WWOX: variants seen among roughly 807,000 people sequenced by gnomAD.
WWOX encodes the protein WW domain-containing oxidoreductase.
A neutral mutation model predicts 46.2 loss-of-function variants in WWOX; 69 were observed. The ratio of observed to expected loss-of-function variants is 1.49; its 90% CI spans 1.23 to 1.82. WWOX has a LOEUF of 1.82. Among genes scored for constraint, WWOX ranks in the 40% most tolerant of loss-of-function variants. The pLI is 0.00. For missense variants in WWOX, 919 were observed against 542.6 expected, an observed-to-expected ratio of 1.69 and a Z score of -6.89; for synonymous variants, 359 against 202.6, an observed-to-expected ratio of 1.77 and a Z score of -6.56.
chr16:78,509,430 C>T (rs1227845097), intron 8 of WWOX, among the ~76,000 whole-genome samples: 1 of 112,150 alleles, frequency 8.9e-6, no homozygotes, highest in Non-Finnish European at 2.0e-5. Flanking sequence ...CAGAGCGAGA[C>T]TCAGTCTCAA....
At chr16:78,715,265 G>A (rs1386257522) in intron 8 of WWOX, among the ~76,000 whole-genome samples, 1 of 152,148 alleles carries the variant, frequency 6.6e-6, no homozygotes, top group African/African-American at 2.4e-5. Flanking sequence ...GTCTTTTCTT[G>A]CTGAATAAGA....
At chr16:78,759,130 C>T (rs752210098) in intron 8 of WWOX, among the ~76,000 whole-genome samples, 43 of 152,164 alleles carry the variant, frequency 2.8e-4, no homozygotes, top group Non-Finnish European at 5.6e-4. Flanking sequence ...CCTGGCTGAT[C>T]TGTGCAATTT....
intron 8 of WWOX, among the ~76,000 whole-genome samples, chr16:79,185,907 A>G (rs1457833612): frequency 3.9e-5 from 6 of 152,040 alleles, no homozygotes; most frequent in African/African-American, 9.7e-5. Flanking sequence ...TATTAGGAAA[A>G]ATACGGTAAG....
chr16:79,175,223 G>A (rs1597446553), intron 8 of WWOX, among the ~76,000 whole-genome samples: 1 of 152,218 alleles, frequency 6.6e-6, no homozygotes, highest in Non-Finnish European at 1.5e-5. Context: ...GAAGGCATTT[G>A]AAAATTGCTG....
intron 8 of WWOX, among the ~76,000 whole-genome samples, chr16:78,594,692 C>G (rs747635303): frequency 6.6e-6 from 1 of 152,026 alleles, no homozygotes; most frequent in South Asian, 2.1e-4. Flanking sequence ...TTGTCATGGA[C>G]CACACCTTTC....
At chr16:78,522,453 G>A (rs1317301403) in intron 8 of WWOX, among the ~76,000 whole-genome samples, 1 of 152,060 alleles carries the variant, frequency 6.6e-6, no homozygotes, top group African/African-American at 2.4e-5. Context: ...CCTGCTCTCG[G>A]GCTCTGCCTG....
At chr16:78,264,586 C>A (rs1268094832) in intron 5 of WWOX, 2 of 152,232 alleles carry the variant, frequency 1.3e-5, no homozygotes, top group African/African-American at 4.8e-5. Context: ...TATGAGATTC[C>A]TCTTGCAGCA....
chr16:79,152,473 C>A (rs1189425509), intron 8 of WWOX, among the ~76,000 whole-genome samples: 1 of 152,096 alleles, frequency 6.6e-6, no homozygotes, highest in Admixed American at 6.5e-5. Flanking sequence ...AGATCCAGAT[C>A]ATTCTGGCCA....
At chr16:78,951,677 C>G (rs942100660) in intron 8 of WWOX, among the ~76,000 whole-genome samples, 3 of 152,166 alleles carry the variant, frequency 2.0e-5, no homozygotes, top group Admixed American at 1.3e-4. Flanking sequence ...CAGTGGAATT[C>G]AGGACTGCGG....
At chr16:78,218,777 G>A (rs749824735) in intron 5 of WWOX, among the ~76,000 whole-genome samples, 1 of 152,248 alleles carries the variant, frequency 6.6e-6, no homozygotes, top group Non-Finnish European at 1.5e-5. Context: ...GTGGAAGCAC[G>A]CTTCGGTGCG....
chr16:78,520,107 G>A (rs1567619098), intron 8 of WWOX, among the ~76,000 whole-genome samples: 2 of 152,084 alleles, frequency 1.3e-5, no homozygotes, highest in Non-Finnish European at 1.5e-5. Flanking sequence ...CTCCCATCCC[G>A]GCCACAGATA....
At chr16:78,594,860 C>T (rs552878638) in intron 8 of WWOX, among the ~76,000 whole-genome samples, 1 of 152,130 alleles carries the variant, frequency 6.6e-6, no homozygotes, top group Non-Finnish European at 1.5e-5. Flanking sequence ...TTTCAAATCC[C>T]TCATTGTTTA....
At chr16:78,868,270 C>G (rs977910793) in intron 8 of WWOX, among the ~76,000 whole-genome samples, 1 of 151,976 alleles carries the variant, frequency 6.6e-6, no homozygotes, top group Non-Finnish European at 1.5e-5. Context: ...TGAAGGAAGC[C>G]GGTCATAAAA....
chr16:79,151,479 G>C (rs1327283344), intron 8 of WWOX, among the ~76,000 whole-genome samples: 1 of 152,252 alleles, frequency 6.6e-6, no homozygotes, highest in Admixed American at 6.5e-5. Context: ...GGCAGAGGGA[G>C]AGGACAGTAA....
intron 8 of WWOX, among the ~76,000 whole-genome samples, chr16:78,635,047 C>T (rs761700769): frequency 8.8e-4 from 134 of 152,170 alleles, no homozygotes; most frequent in Middle Eastern, 3.4e-3. Context: ...GGCTTCCCTG[C>T]GGGACATATT....
intron 8 of WWOX, among the ~76,000 whole-genome samples, chr16:78,619,234 T>A (rs2046116290): frequency 9.7e-6 from 1 of 103,128 alleles, no homozygotes; most frequent in African/African-American, 3.7e-5. Flanking sequence ...CATGGGGGCC[T>A]GCCCTTGTAG....
chr16:78,297,680 C>T (rs535756421), intron 5 of WWOX, among the ~76,000 whole-genome samples: 1 of 152,210 alleles, frequency 6.6e-6, no homozygotes, highest in African/African-American at 2.4e-5. Context: ...CGGACTGATG[C>T]AGTGTAGCAT....
chr16:78,649,441 A>G (rs1248041096), intron 8 of WWOX, among the ~76,000 whole-genome samples: 5 of 150,874 alleles, frequency 3.3e-5, no homozygotes, highest in African/African-American at 1.2e-4. Context: ...GTACCACCAT[A>G]CCCAGCTGTT....
chr16:78,426,369 GATT>G (rs1368463037), intron 7 of WWOX, among the ~76,000 whole-genome samples: 4 of 152,178 alleles, frequency 2.6e-5, no homozygotes, highest in African/African-American at 9.7e-5. Context: ...TTTAATGGGA[GATT>G]ATGTCGAATT....
Sources: gnomAD v4.1 joint callset for allele counts (sites outside exome capture counted in the v4.1 genomes callset) on GRCh38, gnomAD v4.1.1 for gene constraint, MANE v1.5 for transcripts, NCBI Gene and HGNC (gene_info 2026-07-23, HGNC 2026-07-21) for gene names.